The following BCL3 variants were observed in gnomAD, a reference collection of about 807,000 sequenced individuals.
BCL3 encodes B-cell lymphoma 3 protein.
Under a neutral mutation model 35.7 loss-of-function variants are expected in BCL3, and 15 were observed. The ratio of observed to expected loss-of-function variants is 0.42; its 90% CI spans 0.28 to 0.65. The LOEUF (loss-of-function observed/expected upper bound fraction) is 0.65, where lower values mean the gene tolerates loss of function less well. Among genes scored for constraint, BCL3 ranks in the 30% least tolerant of loss-of-function variants. The probability of loss-of-function intolerance (pLI) is 0.22; values close to 1 mark genes in which losing one functional copy is unlikely to be tolerated. For synonymous variants in BCL3, 311 were observed against 284.3 expected (o/e 1.09, Z -0.95); for missense variants, 565 against 641.7 (o/e 0.88, Z 1.29).
rs981771988 is a variant in BCL3, at chr19:44,759,822, C to G, written c.*207C>G. 1 of 480,374 alleles carries G rather than the reference C, an allele frequency of 2.1e-6. No homozygotes were observed. Among genetic ancestry groups the G allele is most frequent in the Admixed American group, 4.3e-5 (1 of 23,366 alleles). The allele number at this position is 480,374 out of a possible 1,614,324, so 29.8% of individuals were successfully genotyped here. On this transcript the variant is annotated 3_prime_UTR_variant, in exon 9 of 9. Coordinates refer to ENST00000164227, the MANE Select transcript of BCL3 (RefSeq NM_005178.5). Reference sequence around the variant, plus strand: ...ATCTCGCTCCCTCCCAGGACTCTGACCCCAGCATTCTCAGGCACCAGTCCC... The same window carrying G: ...ATCTCGCTCCCTCCCAGGACTCTGAGCCCAGCATTCTCAGGCACCAGTCCC...
In BCL3 at chr19:44,757,484, C is replaced by A; in HGVS notation, c.813+69C>A. 6.8e-7 allele frequency: 1 copy of A among 1,479,964 alleles called. No individual in the cohort carries two copies. Among genetic ancestry groups the A allele is most frequent in the Non-Finnish European group, 9.2e-7 (1 of 1,088,244 alleles). The allele number at this position is 1,479,964 out of a possible 1,614,324, so 91.7% of individuals were successfully genotyped here. ...GGGCGGGGTCTTGGCGGGGGCGGGG[C>A]CAGTGTGGGGCTGGCGTGGGAGAGC... On this transcript the variant is annotated intron_variant, in intron 5 of 8. Transcript: ENST00000164227. The surrounding 1 kb of genome is among the most constrained non-coding windows in gnomAD (Gnocchi z 8.4).
intron 2 of BCL3, among the ~76,000 whole-genome samples, chr19:44,754,353 C>CA (rs1967241277): frequency 6.6e-6 from 1 of 152,130 alleles, no homozygotes; most frequent in African/African-American, 2.4e-5. Flanking sequence ...ACACACACCT[C>CA]AAGGGAGCTA....
At position 44,751,246 on chromosome 19, in the gene BCL3, C is replaced by T; in HGVS notation, c.276C>T (p.Tyr92=). 1 of 1,610,980 alleles carries T rather than the reference C, an allele frequency of 6.2e-7. No homozygotes were observed. The highest frequency in any genetic ancestry group is 8.5e-7 in the Non-Finnish European group (1 of 1,178,726). ...GTCCAGGAGCCTTACTGCCTTTGTA[C>T]CCCACTCGGGCCATGGGCTCCCCGT... ...LYYPGALLPL[Y]PTRAMGSPFP... Residue 92 remains tyrosine (Y), a synonymous_variant, in exon 2 of 9, where the codon TAC becomes TAT. Coordinates refer to ENST00000164227, the MANE Select transcript of BCL3 (RefSeq NM_005178.5).
In BCL3 at chr19:44,757,188, G is replaced by A. The variant is rs779825081; in HGVS notation, c.691G>A (p.Gly231Ser). The part of the protein sequence containing the change: ...LRALLDSAAP[G>S]TLDLEARNYD... ...AGCCCTGCTGGACAGCGCAGCTCCG[G>A]GCACGTTGGACCTGGAGGCCCGCAA... The change falls in exon 4 of 9, where the codon GGC (glycine) becomes AGC (serine). Residue 231 changes from glycine to serine, a missense_variant. By Grantham distance (56) the Gly-to-Ser change is moderately conservative. This residue lies in a region of BCL3 where 103 missense variants were observed against 106.7 expected (regional missense o/e 0.97). Transcript: ENST00000164227. This position sits in a 1 kb window ranked among gnomAD's most constrained non-coding sequence, Gnocchi z 8.4. 6.4e-7 allele frequency: 1 copy of A among 1,567,484 alleles called. No homozygotes were observed. The highest frequency in any genetic ancestry group is 8.7e-7 in the Non-Finnish European group (1 of 1,154,130).
chr19:44,755,009 G>C (rs982978948), intron 2 of BCL3: 1 of 152,294 alleles, frequency 6.6e-6, no homozygotes, highest in African/African-American at 2.4e-5. Flanking sequence ...CAAGAGAAAC[G>C]GGTGCTGGTG....
At position 44,759,863 on chromosome 19, in the gene BCL3, C is replaced by T; in HGVS notation, c.*248C>T. ...CACCAGTCCCTGTCCGGAATGCCAC[C>T]CACATCTTCCATTTCCATGTCCCCT... On this transcript the variant is annotated 3_prime_UTR_variant, in exon 9 of 9. Coordinates refer to ENST00000164227, the MANE Select transcript of BCL3 (RefSeq NM_005178.5). 1 of 434,006 alleles carries T rather than the reference C, an allele frequency of 2.3e-6. No homozygotes were observed. 26.9% of individuals were successfully genotyped at this position (434,006 alleles called of 1,614,324 possible). A position where few individuals can be genotyped will look rare whatever the true frequency, so the allele number is the denominator to read the frequency against.
chr19:44,753,411 C>T (rs1314525727), intron 2 of BCL3, among the ~76,000 whole-genome samples: 1 of 152,214 alleles, frequency 6.6e-6, no homozygotes, highest in Non-Finnish European at 1.5e-5. Flanking sequence ...TCCGACTCTC[C>T]CCCAAGGCAA....
Position 44,757,636 on chromosome 19 carries a change from C to G in BCL3, c.814-10C>G. The G allele has an allele frequency of 6.2e-7, 1 of 1,613,546 alleles. No individual in the cohort carries two copies. The highest frequency in any genetic ancestry group is 8.5e-7 in the Non-Finnish European group (1 of 1,179,756). ...CTTGGAGAAACTAAGACCTTCCCTC[C>G]CCGCCGCAGGACATTAAGAGCGGCC... On this transcript the variant is annotated splice_polypyrimidine_tract_variant and intron_variant, in intron 5 of 8. Transcript: ENST00000164227. This position sits in a 1 kb window ranked among gnomAD's most constrained non-coding sequence, Gnocchi z 8.4.
chr19:44,758,541 T>C, intron 7 of BCL3, 128 bp downstream of exon 7: 1 of 1,363,228 alleles, frequency 7.3e-7, no homozygotes, highest in Non-Finnish European at 1.0e-6. Context: ...TGGGTGAGCC[T>C]CTGAAAGCGC....
chr19:44,751,052 G>A (rs1403200304), intron 1 of BCL3, among the ~76,000 whole-genome samples, 175 bp from the exon 2 acceptor site: 1 of 152,140 alleles, frequency 6.6e-6, no homozygotes, highest in East Asian at 1.9e-4. Flanking sequence ...GAGCCCAGAG[G>A]AGGGACGTGG....
rs1049200483 is a variant in BCL3, at chr19:44,757,810, C to A, written c.891+87C>A. The stretch of plus-strand genomic sequence containing the variant: ...CCTCAGCCCCTAGCTCTGACCCCGC[C>A]TTCCACTTCTGGCTCCGGCTCCTGC... On this transcript the variant is annotated intron_variant, in intron 6 of 8. Transcript: ENST00000164227. This position sits in a 1 kb window ranked among gnomAD's most constrained non-coding sequence, Gnocchi z 8.4. 4 of 1,308,728 alleles carry A rather than the reference C, an allele frequency of 3.1e-6. No homozygotes were observed. In the African/African-American group the frequency reaches 5.9e-5, roughly 19 times the overall value. 81.1% of individuals were successfully genotyped at this position (1,308,728 alleles called of 1,614,324 possible). A position where few individuals can be genotyped will look rare whatever the true frequency, so the allele number is the denominator to read the frequency against.
Position 44,757,632 on chromosome 19 carries a change from C to T in BCL3, c.814-14C>T. The stretch of plus-strand genomic sequence containing the variant: ...AGAGCTTGGAGAAACTAAGACCTTC[C>T]CTCCCCGCCGCAGGACATTAAGAGC... On this transcript the variant is annotated splice_polypyrimidine_tract_variant and intron_variant, in intron 5 of 8. Coordinates refer to ENST00000164227, the MANE Select transcript of BCL3 (RefSeq NM_005178.5). The surrounding 1 kb of genome is among the most constrained non-coding windows in gnomAD (Gnocchi z 8.4). The T allele has an allele frequency of 2.5e-6, 4 of 1,613,284 alleles. No homozygotes were observed. The highest frequency in any genetic ancestry group is 2.5e-6 in the Non-Finnish European group (3 of 1,179,592).
At chr19:44,756,027 G>A in intron 2 of BCL3, 2 of 387,384 alleles carry the variant, frequency 5.2e-6, no homozygotes, top group Admixed American at 9.1e-5. Context: ...AACTGTACTA[G>A]ACCAGCAGGG....
At position 44,749,052 on chromosome 19, in the gene BCL3, T is replaced by G; in HGVS notation, c.256+6T>G. 1 of 1,319,326 alleles carries G rather than the reference T, an allele frequency of 7.6e-7. No individual in the cohort carries two copies. Among genetic ancestry groups the G allele is most frequent in the South Asian group, 1.8e-5 (1 of 54,884 alleles). The allele number at this position is 1,319,326 out of a possible 1,614,324, so 81.7% of individuals were successfully genotyped here. On this transcript the variant is annotated splice_donor_region_variant and intron_variant, in intron 1 of 8. Transcript: ENST00000164227. ...GGAGGCGCTTTACTACCCCGGTGAG[T>G]GGCCCCCGAGGGTCCGGGCCGGGTG... is the stretch of plus-strand genomic sequence containing the variant.
At chr19:44,751,487 C>A in intron 2 of BCL3, 107 bp downstream of exon 2, 1 of 1,220,874 alleles carries the variant, frequency 8.2e-7, no homozygotes, top group Non-Finnish European at 1.1e-6. Flanking sequence ...TCGGTCTCCA[C>A]CACAGGCTGT....
intron 1 of BCL3, 27 bp from the exon 2 acceptor site, chr19:44,751,200 G>A: frequency 6.3e-7 from 1 of 1,593,744 alleles, no homozygotes; most frequent in South Asian, 1.1e-5. Context: ...CCTCACCCAT[G>A]TCCCTTCTCT....
At position 44,757,827 on chromosome 19, in the gene BCL3, G is replaced by C. The variant is rs1404626217; in HGVS notation, c.891+104G>C. 1.8e-6 allele frequency: 2 copies of C among 1,140,162 alleles called. No individual in the cohort carries two copies. The highest frequency in any genetic ancestry group is 4.9e-5 in the East Asian group (2 of 40,504). The allele number at this position is 1,140,162 out of a possible 1,614,324, so 70.6% of individuals were successfully genotyped here. A position where few individuals can be genotyped will look rare whatever the true frequency, so the allele number is the denominator to read the frequency against. ...GACCCCGCCTTCCACTTCTGGCTCC[G>C]GCTCCTGCTCCGCGTCCAGCTCTGA... On this transcript the variant is annotated intron_variant, in intron 6 of 8. Transcript: ENST00000164227. This position sits in a 1 kb window ranked among gnomAD's most constrained non-coding sequence, Gnocchi z 8.4.
Position 44,757,159 on chromosome 19 carries a change from T to TGCGA in BCL3, c.665_668dup (p.Leu224SerfsTer19). ...TGCGAGCACCGCAGCCCGACCTGCCTGCGAGCCCTGCTGGACAGCGCAGCT... is the reference window on the plus strand; with the variant it reads ...TGCGAGCACCGCAGCCCGACCTGCCTGCGAGCGAGCCCTGCTGGACAGCGCAGCT... On this transcript the variant is annotated frameshift_variant, in exon 4 of 9. Transcript: ENST00000164227. LOFTEE classifies it high-confidence loss of function. The surrounding 1 kb of genome is among the most constrained non-coding windows in gnomAD (Gnocchi z 8.4). 1 of 1,586,224 alleles carries TGCGA rather than the reference T, an allele frequency of 6.3e-7. No individual in the cohort carries two copies. The highest frequency in any genetic ancestry group is 8.6e-7 in the Non-Finnish European group (1 of 1,166,634).
intron 8 of BCL3, 50 bp from the exon 9 acceptor site, chr19:44,759,378 C>T (rs1252377637): frequency 2.1e-6 from 3 of 1,399,852 alleles, no homozygotes; most frequent in South Asian, 1.2e-5. Flanking sequence ...CCCCTGCTCT[C>T]TGGGTCTAGC....
Sources: gnomAD v4.1 joint callset for allele counts (sites outside exome capture counted in the v4.1 genomes callset) on GRCh38, gnomAD v4.1.1 for gene constraint, gnomAD v4.1.1 regional missense constraint, Gnocchi (gnomAD v3.1) non-coding constraint, MANE v1.5 for transcripts, NCBI Gene and HGNC (gene_info 2026-07-23, HGNC 2026-07-21) for gene names.